The following CERKL variants were observed in gnomAD, a reference collection of about 807,000 sequenced individuals.
CERKL encodes CERK like autophagy regulator, also known as ceramide kinase-like protein.
A neutral mutation model predicts 63.4 loss-of-function variants in CERKL; 61 were observed. The ratio of observed to expected loss-of-function variants is 0.96; its 90% CI spans 0.78 to 1.19. The LOEUF is 1.19. Among genes scored for constraint, CERKL ranks in the 50% most tolerant of loss-of-function variants. CERKL has a pLI of 0.00. For missense variants in CERKL, 675 were observed against 655.5 expected, an observed-to-expected ratio of 1.03 and a Z score of -0.33; for synonymous variants, 250 against 230.5, an observed-to-expected ratio of 1.08 and a Z score of -0.77.
intron 11 of CERKL, 129 bp from the exon 12 acceptor site, chr2:181,539,393 T>C: frequency 1.5e-6 from 1 of 649,402 alleles, no homozygotes; most frequent in South Asian, 1.9e-5. Context: ...GCTTTGAGAC[T>C]ATGAACAGGG....
At chr2:181,607,902 C>T (rs1159283745) in intron 1 of CERKL, among the ~76,000 whole-genome samples, 1 of 152,248 alleles carries the variant, frequency 6.6e-6, no homozygotes, top group East Asian at 1.9e-4. Context: ...GTATCTCTTA[C>T]CCACCTTAAA....
intron 4 of CERKL, among the ~76,000 whole-genome samples, chr2:181,564,743 T>C (rs1309429125): frequency 6.6e-6 from 1 of 152,150 alleles, no homozygotes; most frequent in East Asian, 1.9e-4. Flanking sequence ...AGGTACTCAT[T>C]TGCAATGCAG....
At chr2:181,631,823 T>C (rs1686972881) in intron 1 of CERKL, among the ~76,000 whole-genome samples, 2 of 152,338 alleles carry the variant, frequency 1.3e-5, no homozygotes, top group South Asian at 2.1e-4. Flanking sequence ...TCTGAGTTTC[T>C]CTAAAGGTAA....
At chr2:181,632,402 T>C (rs191462753) in intron 1 of CERKL, among the ~76,000 whole-genome samples, 1 of 152,352 alleles carries the variant, frequency 6.6e-6, no homozygotes, top group African/African-American at 2.4e-5. Flanking sequence ...AGAAACGCAA[T>C]GTTCCTCTAG....
At position 181,609,960 on chromosome 2, in the gene CERKL, TA is replaced by T. The variant is rs893261839; in HGVS notation, c.239-5882del. On this transcript the variant is annotated intron_variant, in intron 1 of 12. Coordinates refer to ENST00000410087, the MANE Select transcript of CERKL (RefSeq NM_201548.5). ...TTCATAATATACACCAATATTTGTA[TA>T]TTAGAAATTTACGTAACCTTAAATA... Among the ~76,000 whole-genome samples the T allele has an allele frequency of 3.9e-5, 6 of 152,220 alleles. No individual in the cohort carries two copies. In the South Asian group the frequency reaches 1.2e-3, roughly 32 times the overall value.
chr2:181,654,314 C>T (rs1688065061), intron 1 of CERKL, among the ~76,000 whole-genome samples: 1 of 152,172 alleles, frequency 6.6e-6, no homozygotes, highest in Non-Finnish European at 1.5e-5. Context: ...ACTACAATTA[C>T]TACGGTTATG....
rs1267204618 is a variant in CERKL at position 181,550,462 on chromosome 2, A to T, written c.821-754T>A. Among the ~76,000 whole-genome samples the T allele has an allele frequency of 6.6e-6, 1 of 152,192 alleles. No individual in the cohort carries two copies. The highest frequency in any genetic ancestry group is 1.5e-5 in the Non-Finnish European group (1 of 68,024). On this transcript the variant is annotated intron_variant, in intron 5 of 12. Coordinates refer to ENST00000410087, the MANE Select transcript of CERKL (RefSeq NM_201548.5). The surrounding 1 kb of genome is among the most constrained non-coding windows in gnomAD (Gnocchi z 4.5). ...AATCTGAGATACAGGGGACTATACCAGCTAGCCCTTCCCATTCCCAGGAGG... is the reference window on the plus strand; with the variant it reads ...AATCTGAGATACAGGGGACTATACCTGCTAGCCCTTCCCATTCCCAGGAGG...
Position 181,657,069 on chromosome 2 carries a change from G to A in CERKL, c.-63C>T, listed in dbSNP as rs140924460. 8,451 of 1,421,736 alleles carry A rather than the reference G, an allele frequency of 5.9e-3. 38 individuals carry two copies. The highest frequency in any genetic ancestry group is 0.015 in the Middle Eastern group (80 of 5,336). 88.1% of individuals were successfully genotyped at this position (1,421,736 alleles called of 1,614,324 possible). A position where few individuals can be genotyped will look rare whatever the true frequency, so the allele number is the denominator to read the frequency against. Reference sequence around the variant, plus strand: ...GGAGGCCTTTGGAGAAGGAGGTGGAGGGCGCGGCAGCCCCAGCTCTAGCCG... The same window carrying A: ...GGAGGCCTTTGGAGAAGGAGGTGGAAGGCGCGGCAGCCCCAGCTCTAGCCG... On this transcript the variant is annotated 5_prime_UTR_variant, in exon 1 of 13. Coordinates refer to ENST00000410087, the MANE Select transcript of CERKL (RefSeq NM_201548.5).
At chr2:181,606,979 C>T (rs1242567209) in intron 1 of CERKL, among the ~76,000 whole-genome samples, 1 of 152,106 alleles carries the variant, frequency 6.6e-6, no homozygotes, top group Non-Finnish European at 1.5e-5. Flanking sequence ...AGTCTCAGGC[C>T]CCACTGTGCA....
intron 4 of CERKL, among the ~76,000 whole-genome samples, chr2:181,563,801 T>C (rs1324578600): frequency 1.3e-5 from 2 of 152,194 alleles, no homozygotes; most frequent in East Asian, 1.9e-4. Context: ...TATCTCTCTA[T>C]GTAATTCTAA....
At chr2:181,544,580 AAT>A in intron 11 of CERKL, 118 bp downstream of exon 11, 1 of 631,430 alleles carries the variant, frequency 1.6e-6, no homozygotes, top group South Asian at 2.1e-5. Context: ...AAAGAAGATT[AAT>A]ATATTCAGAA....
At chr2:181,608,482 G>A (rs1196215544) in intron 1 of CERKL, among the ~76,000 whole-genome samples, 1 of 151,988 alleles carries the variant, frequency 6.6e-6, no homozygotes, top group African/African-American at 2.4e-5. Flanking sequence ...AAATGAAAGT[G>A]ATGAAATAAA....
At chr2:181,552,014 G>A (rs543514130) in intron 5 of CERKL, among the ~76,000 whole-genome samples, 6 of 152,224 alleles carry the variant, frequency 3.9e-5, no homozygotes, top group South Asian at 2.1e-4. Context: ...TTTACAACAC[G>A]TGGATAAACC....
chr2:181,543,579 C>T (rs1178326752), intron 11 of CERKL, among the ~76,000 whole-genome samples: 2 of 152,148 alleles, frequency 1.3e-5, no homozygotes, highest in Non-Finnish European at 2.9e-5. Flanking sequence ...GAGAGACTTG[C>T]TATGGCTAAG....
At chr2:181,552,108 C>A (rs1409192392) in intron 5 of CERKL, among the ~76,000 whole-genome samples, 2 of 152,058 alleles carry the variant, frequency 1.3e-5, no homozygotes, top group East Asian at 3.9e-4. Context: ...AACTTAAACT[C>A]ATAAAAGCGA....
chr2:181,610,729 A>C lies in CERKL; in HGVS notation c.239-6650T>G, dbSNP rs1314399645. Reference sequence around the variant, plus strand: ...ACAACAAATTTAACACTGGTTACCTATTAAATATGCAATATGAGGTATGAA... The same window carrying C: ...ACAACAAATTTAACACTGGTTACCTCTTAAATATGCAATATGAGGTATGAA... On this transcript the variant is annotated intron_variant, in intron 1 of 12. Transcript: ENST00000410087. Among the ~76,000 whole-genome samples the C allele has an allele frequency of 5.8e-4, 89 of 152,348 alleles. 1 individual carries two copies. The highest frequency in any genetic ancestry group is 7.3e-5 in the Non-Finnish European group (5 of 68,032).
At chr2:181,607,843 G>T (rs924544202) in intron 1 of CERKL, among the ~76,000 whole-genome samples, 3 of 152,126 alleles carry the variant, frequency 2.0e-5, no homozygotes, top group African/African-American at 7.2e-5. Context: ...TCCACACGGG[G>T]GTGTTACTGG....
intron 1 of CERKL, among the ~76,000 whole-genome samples, chr2:181,610,057 A>C (rs1444645769): frequency 3.3e-5 from 5 of 152,180 alleles, no homozygotes; most frequent in Non-Finnish European, 7.3e-5. Context: ...ATACCTAATA[A>C]AGACCTCAAA....
At chr2:181,590,205 T>G (rs934976620) in intron 2 of CERKL, among the ~76,000 whole-genome samples, 3 of 152,040 alleles carry the variant, frequency 2.0e-5, no homozygotes, top group African/African-American at 7.3e-5. Context: ...TGGCACGATC[T>G]TGACTCACTG....
Sources: allele counts gnomAD v4.1 joint callset (sites outside exome capture counted in the v4.1 genomes callset), GRCh38; gene constraint gnomAD v4.1.1; non-coding constraint Gnocchi (gnomAD v3.1); transcripts MANE v1.5; gene names NCBI Gene and HGNC (gene_info 2026-07-23, HGNC 2026-07-21).